The following LGR5 variants were observed in gnomAD, a reference collection of about 807,000 sequenced individuals.
LGR5 encodes leucine rich repeat containing G protein-coupled receptor 5.
Under a neutral mutation model 76.7 loss-of-function variants are expected in LGR5, and 54 were observed. The ratio of observed to expected loss-of-function variants is 0.70; its 90% CI spans 0.57 to 0.88. The LOEUF is 0.88. Ranked by LOEUF, LGR5 falls within the 40% of genes least tolerant of loss-of-function variation. LGR5 has a pLI of 0.00. For synonymous variants in LGR5, 406 were observed against 421.9 expected (o/e 0.96, Z 0.46); for missense variants, 1,078 against 1,073.3 (o/e 1.00, Z -0.06).
upstream of LGR5, among the ~76,000 whole-genome samples, chr12:71,439,172 G>T (rs1871619225): frequency 6.6e-6 from 1 of 152,176 alleles, no homozygotes; most frequent in Non-Finnish European, 1.5e-5. Flanking sequence ...GGCAGCAGTG[G>T]AGTGCTCGCT....
At chr12:71,500,337 T>G (rs938920966) in intron 1 of LGR5, among the ~76,000 whole-genome samples, 5 of 152,170 alleles carry the variant, frequency 3.3e-5, no homozygotes, top group Non-Finnish European at 7.4e-5. Flanking sequence ...TCCAGACAGT[T>G]GTTTTCAGCC....
chr12:71,537,571 C>T (rs1876662168), intron 4 of LGR5, among the ~76,000 whole-genome samples: 1 of 152,120 alleles, frequency 6.6e-6, no homozygotes, highest in African/African-American at 2.4e-5. Context: ...AAAGGAGTGC[C>T]CTACCCATAC....
At chr12:71,575,722 ATGTGTGTGTGTGTG>A (rs140264650) in intron 13 of LGR5, among the ~76,000 whole-genome samples, 7 of 144,760 alleles carry the variant, frequency 4.8e-5, no homozygotes, top group East Asian at 2.0e-4. Context: ...AAAAATATAT[ATGTGTGTGTGTGTG>A]TGTGTGTGTG....
At chr12:71,565,801 C>T (rs1240548682) in intron 8 of LGR5, among the ~76,000 whole-genome samples, 1 of 151,734 alleles carries the variant, frequency 6.6e-6, no homozygotes, top group East Asian at 1.9e-4. Context: ...ATTGACCAGG[C>T]AGTTCAAATA....
intron 1 of LGR5, among the ~76,000 whole-genome samples, chr12:71,453,572 G>A (rs373620146): frequency 3.8e-4 from 57 of 151,132 alleles, no homozygotes; most frequent in South Asian, 2.3e-3. Context: ...AGTATCAGCC[G>A]TTGATTTGCT....
intron 6 of LGR5, among the ~76,000 whole-genome samples, chr12:71,558,521 AC>A (rs1453742588): frequency 1.3e-5 from 2 of 152,190 alleles, no homozygotes; most frequent in African/African-American, 4.8e-5. Flanking sequence ...TTTAATCAAA[AC>A]AGAGCATCTG....
intron 2 of LGR5, among the ~76,000 whole-genome samples, chr12:71,521,208 CA>C (rs1875713005): frequency 6.6e-6 from 1 of 152,180 alleles, no homozygotes; most frequent in South Asian, 2.1e-4. Context: ...GCATTGGGGA[CA>C]ATATCTAGGC....
intron 2 of LGR5, among the ~76,000 whole-genome samples, chr12:71,509,776 C>T (rs559910234): frequency 2.9e-4 from 44 of 152,134 alleles, no homozygotes; most frequent in Non-Finnish European, 5.9e-4. Flanking sequence ...TTCCCAGATT[C>T]TAGTGCTATT....
chr12:71,439,957 TG>T lies in LGR5; in HGVS notation c.-122del. The T allele has an allele frequency of 1.2e-6, 1 of 839,430 alleles. No homozygotes were observed. Among genetic ancestry groups the T allele is most frequent in the Non-Finnish European group, 1.8e-6 (1 of 558,738 alleles). 52.0% of individuals were successfully genotyped at this position (839,430 alleles called of 1,614,324 possible). Reference sequence around the variant, plus strand: ...GCCGTGGGGTCAGGAACGCGGCGTCTGGCGCTGCAGACGCCCGCTGAGTTGC... The same window carrying T: ...GCCGTGGGGTCAGGAACGCGGCGTCTGCGCTGCAGACGCCCGCTGAGTTGC... On this transcript the variant is annotated 5_prime_UTR_variant, in exon 1 of 18. Transcript: ENST00000266674.
intron 1 of LGR5, among the ~76,000 whole-genome samples, chr12:71,480,728 A>G (rs12809341): frequency 0.09 from 13,651 of 152,258 alleles, 659 homozygotes; most frequent in Non-Finnish European, 0.11. Context: ...GGACTGGACC[A>G]TGGAGACTTC....
rs368847527 is a variant in LGR5 at position 71,566,404 on chromosome 12, A to G, written c.858A>G (p.Ile286Met). The change falls in exon 9 of 18, where the codon ATA (isoleucine) becomes ATG (methionine). Residue 286 changes from isoleucine to methionine, a missense_variant and splice_region_variant. Transcript: ENST00000266674. ...TAATTGCTGTTTGGGTTTCTTTTAG[A>G]CATTTCTATGACAATCCCATCCAGT... ...AFVGNPSLITIHFYDNPIQFV... is the reference protein window; with the variant it reads ...AFVGNPSLITMHFYDNPIQFV... 4 of 1,588,084 alleles carry G rather than the reference A, an allele frequency of 2.5e-6. 1 individual carries two copies. The highest frequency in any genetic ancestry group is 2.7e-5 in the African/African-American group (2 of 74,564).
At chr12:71,581,661 T>C (rs1209198247) in intron 16 of LGR5, among the ~76,000 whole-genome samples, 1 of 152,218 alleles carries the variant, frequency 6.6e-6, no homozygotes, top group Non-Finnish European at 1.5e-5. Flanking sequence ...CCTCACCCAC[T>C]CTAATTTCTC....
At chr12:71,578,052 G>C in intron 14 of LGR5, 56 bp downstream of exon 14, 1 of 1,351,492 alleles carries the variant, frequency 7.4e-7, no homozygotes, top group South Asian at 1.2e-5. Flanking sequence ...GGACCATCTA[G>C]TTAATTTTAA....
intron 4 of LGR5, among the ~76,000 whole-genome samples, chr12:71,536,565 T>C (rs1876596723): frequency 6.6e-6 from 1 of 152,294 alleles, no homozygotes; most frequent in East Asian, 1.9e-4. Context: ...AAGAAACAGC[T>C]GGAGAAGCAA....
chr12:71,517,174 A>G (rs1875487695), intron 2 of LGR5, among the ~76,000 whole-genome samples: 1 of 152,180 alleles, frequency 6.6e-6, no homozygotes, highest in Admixed American at 6.5e-5. Flanking sequence ...GTTTGTATGC[A>G]TTTCGGTTTC....
chr12:71,520,534 G>C (rs904426719), intron 2 of LGR5, among the ~76,000 whole-genome samples: 1 of 152,114 alleles, frequency 6.6e-6, no homozygotes, highest in African/African-American at 2.4e-5. Context: ...ATACTACGCA[G>C]CCATAAAAAA....
intron 11 of LGR5, among the ~76,000 whole-genome samples, chr12:71,569,199 A>G (rs554002144): frequency 1.3e-5 from 2 of 152,372 alleles, no homozygotes; most frequent in South Asian, 2.1e-4. Context: ...CTTAAAATAT[A>G]AAAACCCTAG....
intron 3 of LGR5, among the ~76,000 whole-genome samples, chr12:71,530,081 T>C (rs1252505332): frequency 1.3e-5 from 2 of 152,312 alleles, no homozygotes; most frequent in East Asian, 3.9e-4. Flanking sequence ...ATTACTTTTC[T>C]TATATTTCTT....
intron 1 of LGR5, among the ~76,000 whole-genome samples, chr12:71,444,950 T>G (rs1871917825): frequency 2.0e-5 from 3 of 152,308 alleles, no homozygotes; most frequent in Admixed American, 2.0e-4. Flanking sequence ...AAGCATTTTT[T>G]TATATTTCTT....
Sources: allele counts gnomAD v4.1 joint callset (sites outside exome capture counted in the v4.1 genomes callset), GRCh38; gene constraint gnomAD v4.1.1; transcripts MANE v1.5; gene names NCBI Gene and HGNC (gene_info 2026-07-23, HGNC 2026-07-21).